Variants in RABEP1 observed in about 807,000 individuals in gnomAD.
RABEP1 encodes the protein rab GTPase-binding effector protein 1.
A neutral mutation model predicts 123.4 loss-of-function variants in RABEP1; 51 were observed. That is an observed-to-expected ratio of 0.41 (90% CI 0.33 to 0.52). The LOEUF is 0.52. Ranked by LOEUF, RABEP1 falls within the 20% of genes least tolerant of loss-of-function variation. The pLI, the probability that RABEP1 is intolerant of heterozygous loss-of-function variation, is 0.16. For missense variants in RABEP1, 888 were observed against 996.3 expected (o/e 0.89, Z 1.46); for synonymous variants, 347 against 355.2 (o/e 0.98, Z 0.26).
intron 2 of RABEP1, among the ~76,000 whole-genome samples, chr17:5,314,128 C>A (rs979602147): frequency 2.0e-5 from 3 of 151,544 alleles, no homozygotes; most frequent in African/African-American, 7.3e-5. Context: ...GTTGTCATAG[C>A]TGTGTTTGCA....
chr17:5,382,949 G>A (rs535131557), intron 17 of RABEP1, among the ~76,000 whole-genome samples, 173 bp from the exon 18 acceptor site: 29 of 151,452 alleles, frequency 1.9e-4, no homozygotes, highest in Admixed American at 5.2e-4. Context: ...ATCCCAGTCC[G>A]TTACACGGTA....
At chr17:5,381,208 G>A (rs1911420309) in intron 16 of RABEP1, among the ~76,000 whole-genome samples, 181 bp from the exon 17 acceptor site, 1 of 151,806 alleles carries the variant, frequency 6.6e-6, no homozygotes, top group African/African-American at 2.4e-5. Context: ...TCAGGACTTA[G>A]AGCAAGTAGT....
intron 8 of RABEP1, chr17:5,360,942 AAC>A: frequency 2.2e-6 from 1 of 445,238 alleles, no homozygotes. Flanking sequence ...ACAGTATTAT[AAC>A]AGTCTGCTTA....
intron 16 of RABEP1, 149 bp from the exon 17 acceptor site, chr17:5,381,240 C>T (rs942154678): frequency 6.4e-6 from 7 of 1,091,526 alleles, no homozygotes; most frequent in Non-Finnish European, 8.5e-6. Context: ...GCACGCTTGC[C>T]CTATAGATAA....
intron 2 of RABEP1, among the ~76,000 whole-genome samples, chr17:5,328,035 A>G (rs1161920398): frequency 2.0e-5 from 3 of 152,234 alleles, no homozygotes; most frequent in Non-Finnish European, 2.9e-5. Flanking sequence ...ATTCTAATTA[A>G]TGAGTGAAGT....
At chr17:5,375,979 T>C (rs1910960532) in intron 13 of RABEP1, among the ~76,000 whole-genome samples, 1 of 152,044 alleles carries the variant, frequency 6.6e-6, no homozygotes, top group Non-Finnish European at 1.5e-5. Flanking sequence ...TTCAAGCAAT[T>C]CTCCTGCCTC....
chr17:5,332,709 A>G (rs1460148790), intron 3 of RABEP1, among the ~76,000 whole-genome samples: 2 of 150,614 alleles, frequency 1.3e-5, no homozygotes, highest in East Asian at 2.0e-4. Context: ...CCCGGGCTCA[A>G]GCGATTCTCC....
At chr17:5,313,887 A>G (rs910658103) in intron 2 of RABEP1, among the ~76,000 whole-genome samples, 6 of 152,250 alleles carry the variant, frequency 3.9e-5, no homozygotes, top group Non-Finnish European at 7.3e-5. Flanking sequence ...CCGTTAGCCT[A>G]TATCATAATA....
rs1224229060 is a variant in RABEP1, at chr17:5,287,660, C to T, written c.34+5140C>T. ...GAGCGGGCGTGGTGTTGTCTCATAC[C>T]TGTAATCTCAACACTTTGGGAGGCC... is the stretch of plus-strand genomic sequence containing the variant. On this transcript the variant is annotated intron_variant, in intron 1 of 17. Transcript: ENST00000537505. Among the ~76,000 whole-genome samples the T allele has an allele frequency of 2.7e-5, 4 of 149,108 alleles. No individual in the cohort carries two copies. In the East Asian group the frequency reaches 8.0e-4, roughly 30 times the overall value.
intron 12 of RABEP1, among the ~76,000 whole-genome samples, chr17:5,369,082 C>T (rs1344733893): frequency 1.3e-5 from 2 of 151,788 alleles, no homozygotes; most frequent in African/African-American, 2.4e-5. Context: ...GCACTCCAGC[C>T]TGGGTGACAC....
chr17:5,311,492 C>T (rs1030498795), intron 2 of RABEP1, among the ~76,000 whole-genome samples: 3 of 151,616 alleles, frequency 2.0e-5, no homozygotes, highest in Admixed American at 1.3e-4. Context: ...GTCATGAGTT[C>T]GAGACCAGCT....
chr17:5,365,118 A>G lies in RABEP1; in HGVS notation c.1669-4A>G, dbSNP rs373442678. ...TTTTCTAATTGACTTTTAAAATGAT[A>G]CAGGTGAAAAAACTACAGCTGATGC... is the stretch of plus-strand genomic sequence containing the variant. On this transcript the variant is annotated splice_polypyrimidine_tract_variant and splice_region_variant and intron_variant, in intron 10 of 17. Transcript: ENST00000537505. The G allele has an allele frequency of 4.8e-5, 75 of 1,573,034 alleles. 1 individual carries two copies. The African/African-American group carries it at 7.1e-4, about 15-fold the overall frequency.
intron 13 of RABEP1, among the ~76,000 whole-genome samples, chr17:5,374,967 C>T (rs1020913180): frequency 3.3e-5 from 5 of 151,762 alleles, no homozygotes; most frequent in African/African-American, 7.3e-5. Flanking sequence ...AGTAGAGATG[C>T]GGTTTCGCCA....
chr17:5,352,713 A>AC (rs1370254125), intron 7 of RABEP1, among the ~76,000 whole-genome samples: 3 of 151,668 alleles, frequency 2.0e-5, no homozygotes, highest in African/African-American at 7.3e-5. Flanking sequence ...TGCCTGTAGT[A>AC]CCAGCTACTT....
chr17:5,324,486 A>G (rs768430864), intron 2 of RABEP1, among the ~76,000 whole-genome samples: 2 of 152,254 alleles, frequency 1.3e-5, no homozygotes, highest in African/African-American at 2.4e-5. Context: ...AAGCCACTAG[A>G]GGAAAACACT....
chr17:5,282,849 G>A (rs2074941152), intron 1 of RABEP1, among the ~76,000 whole-genome samples: 1 of 151,882 alleles, frequency 6.6e-6, no homozygotes, highest in African/African-American at 2.4e-5. Flanking sequence ...TTCTGCCCGT[G>A]GGGGAGGATG....
chr17:5,349,095 G>A (rs892409586), intron 6 of RABEP1, among the ~76,000 whole-genome samples: 1 of 152,050 alleles, frequency 6.6e-6, no homozygotes, highest in Non-Finnish European at 1.5e-5. Flanking sequence ...CTATCTCTGT[G>A]GACTTGCCTA....
intron 4 of RABEP1, among the ~76,000 whole-genome samples, chr17:5,337,767 A>C (rs1001165253): frequency 1.3e-5 from 2 of 152,048 alleles, no homozygotes; most frequent in Non-Finnish European, 2.9e-5. Context: ...AAGAAGTCAA[A>C]TTTGTTTTAG....
chr17:5,372,364 G>C (rs1352689792), intron 12 of RABEP1, among the ~76,000 whole-genome samples: 1 of 152,130 alleles, frequency 6.6e-6, no homozygotes, highest in Non-Finnish European at 1.5e-5. Context: ...AGAATCACTT[G>C]AACCGGGACT....
Sources: allele counts gnomAD v4.1 joint callset (sites outside exome capture counted in the v4.1 genomes callset), GRCh38; gene constraint gnomAD v4.1.1; transcripts MANE v1.5; gene names NCBI Gene and HGNC (gene_info 2026-07-23, HGNC 2026-07-21).